IKZF3: variants seen among roughly 807,000 people sequenced by gnomAD.
The protein encoded by IKZF3 is zinc finger protein Aiolos.
In IKZF3, 10 loss-of-function variants were observed where a neutral mutation model predicts 49.0. That is an observed-to-expected ratio of 0.20 (90% CI 0.13 to 0.35). The LOEUF (loss-of-function observed/expected upper bound fraction) is 0.35, where lower values mean the gene tolerates loss of function less well. Among genes scored for constraint, IKZF3 ranks in the 10% least tolerant of loss-of-function variants. The probability of loss-of-function intolerance (pLI) is 1.00; values close to 1 mark genes in which losing one functional copy is unlikely to be tolerated. For synonymous variants in IKZF3, 209 were observed against 228.2 expected, an observed-to-expected ratio of 0.92 and a Z score of 0.76; for missense variants, 498 against 664.8, an observed-to-expected ratio of 0.75 and a Z score of 2.76.
At chr17:39,821,696 A>G (rs1289569452) in intron 3 of IKZF3, among the ~76,000 whole-genome samples, 1 of 152,208 alleles carries the variant, frequency 6.6e-6, no homozygotes, top group East Asian at 1.9e-4. Context: ...TTCGGATGCT[A>G]GACCCAAAGC....
chr17:39,828,874 G>A (rs1345766907), intron 3 of IKZF3, among the ~76,000 whole-genome samples: 1 of 152,016 alleles, frequency 6.6e-6, no homozygotes, highest in African/African-American at 2.4e-5. Context: ...GGTGGTGGGC[G>A]CCTGTAATCT....
At chr17:39,776,026 A>C (rs2060577789) in intron 7 of IKZF3, among the ~76,000 whole-genome samples, 1 of 151,826 alleles carries the variant, frequency 6.6e-6, no homozygotes, top group Non-Finnish European at 1.5e-5. Context: ...GGCTTCAGCC[A>C]TTTCTAGAGT....
intron 3 of IKZF3, among the ~76,000 whole-genome samples, chr17:39,824,407 G>A (rs1252348778): frequency 6.6e-6 from 1 of 152,106 alleles, no homozygotes; most frequent in Admixed American, 6.5e-5. Context: ...CTTTGGACTT[G>A]GACTTTTGGG....
In IKZF3 at chr17:39,766,826, G is replaced by T. The variant is rs79229272; in HGVS notation, c.827-333C>A. ...GCAGGACACTAGGATGGGGCTAGAG[G>T]GACAAGGGAGCCACCAGCCCACAGG... On this transcript the variant is annotated intron_variant, in intron 7 of 7. Transcript: ENST00000346872. Among the ~76,000 whole-genome samples, 1,313 of 152,240 alleles carry T rather than the reference G, an allele frequency of 8.6e-3. 19 individuals carry two copies. Among genetic ancestry groups the T allele is most frequent in the African/African-American group, 0.03 (1,255 of 41,524 alleles).
chr17:39,863,637 A>C (rs1465129309), intron 1 of IKZF3, among the ~76,000 whole-genome samples: 1 of 152,236 alleles, frequency 6.6e-6, no homozygotes, highest in East Asian at 1.9e-4. Flanking sequence ...AAGAAGACTC[A>C]TTAGAAGATC....
At chr17:39,789,431 C>T (rs916315781) in intron 5 of IKZF3, among the ~76,000 whole-genome samples, 2 of 152,236 alleles carry the variant, frequency 1.3e-5, no homozygotes, top group Admixed American at 6.5e-5. Flanking sequence ...GGCGTGATGG[C>T]GTGACCCTTT....
At chr17:39,833,332 T>C (rs1020168460) in intron 1 of IKZF3, among the ~76,000 whole-genome samples, 1 of 152,158 alleles carries the variant, frequency 6.6e-6, no homozygotes, top group African/African-American at 2.4e-5. Context: ...AAAATGCATA[T>C]CCTCATGTAA....
At chr17:39,794,654 A>C (rs1216968632) in intron 3 of IKZF3, among the ~76,000 whole-genome samples, 4 of 152,234 alleles carry the variant, frequency 2.6e-5, no homozygotes. Flanking sequence ...CTGTAGGATA[A>C]GTCCAACATG....
intron 3 of IKZF3, among the ~76,000 whole-genome samples, chr17:39,804,942 C>A (rs2061401338): frequency 6.6e-6 from 1 of 152,150 alleles, no homozygotes; most frequent in Non-Finnish European, 1.5e-5. Context: ...TGTTGACTCT[C>A]AAATTTTTAT....
chr17:39,799,773 C>T (rs1191796840), intron 3 of IKZF3, among the ~76,000 whole-genome samples: 3 of 152,208 alleles, frequency 2.0e-5, no homozygotes, highest in African/African-American at 7.2e-5. Context: ...ATAGTGTATT[C>T]AAACTTCCAC....
At chr17:39,794,912 T>C (rs185083951) in intron 3 of IKZF3, among the ~76,000 whole-genome samples, 1 of 152,286 alleles carries the variant, frequency 6.6e-6, no homozygotes, top group Non-Finnish European at 1.5e-5. Flanking sequence ...TCAGTTTGCA[T>C]GTAGGCGTTT....
At chr17:39,806,136 TC>T (rs2061427317) in intron 3 of IKZF3, among the ~76,000 whole-genome samples, 1 of 152,218 alleles carries the variant, frequency 6.6e-6, no homozygotes, top group South Asian at 2.1e-4. Flanking sequence ...TAATTTGACT[TC>T]CGTGAATTTT....
At chr17:39,790,007 T>C (rs1307995105) in intron 5 of IKZF3, among the ~76,000 whole-genome samples, 2 of 152,228 alleles carry the variant, frequency 1.3e-5, no homozygotes, top group Non-Finnish European at 2.9e-5. Context: ...CAAACTTTAT[T>C]CTGCCAACTC....
At chr17:39,813,811 T>G (rs1009619118) in intron 3 of IKZF3, among the ~76,000 whole-genome samples, 1 of 152,190 alleles carries the variant, frequency 6.6e-6, no homozygotes, top group Non-Finnish European at 1.5e-5. Flanking sequence ...CTGCATCCCA[T>G]GAGTGACAGG....
At chr17:39,832,044 T>G in intron 2 of IKZF3, 54 bp downstream of exon 2, 2 of 1,290,288 alleles carry the variant, frequency 1.6e-6, no homozygotes, top group Non-Finnish European at 2.2e-6. Context: ...TCCTCTCTCT[T>G]TGGTATTTTT....
chr17:39,863,572 T>G (rs1200831118), intron 1 of IKZF3, among the ~76,000 whole-genome samples: 2 of 152,216 alleles, frequency 1.3e-5, no homozygotes, highest in Non-Finnish European at 2.9e-5. Context: ...GTTACGACTT[T>G]CAAAATTAAT....
At chr17:39,778,885 G>A (rs1256225059) in intron 6 of IKZF3, among the ~76,000 whole-genome samples, 2 of 152,174 alleles carry the variant, frequency 1.3e-5, no homozygotes, top group Admixed American at 6.5e-5. Context: ...AGTGGTGTAG[G>A]CCTGTGGTTC....
At chr17:39,843,273 G>A (rs1335843509) in intron 1 of IKZF3, among the ~76,000 whole-genome samples, 1 of 152,138 alleles carries the variant, frequency 6.6e-6, no homozygotes, top group East Asian at 1.9e-4. Context: ...ATACTCTAAA[G>A]CATAGGACAG....
At chr17:39,831,702 C>G (rs2062113286) in intron 2 of IKZF3, among the ~76,000 whole-genome samples, 1 of 152,076 alleles carries the variant, frequency 6.6e-6, no homozygotes, top group African/African-American at 2.4e-5. Flanking sequence ...CCATATGTGG[C>G]CTGCAAAGTC....
Sources: gnomAD v4.1 joint callset for allele counts (sites outside exome capture counted in the v4.1 genomes callset) on GRCh38, gnomAD v4.1.1 for gene constraint, MANE v1.5 for transcripts, NCBI Gene and HGNC (gene_info 2026-07-23, HGNC 2026-07-21) for gene names.